ATXN7L1: variants seen among roughly 807,000 people sequenced by gnomAD.
ATXN7L1 encodes ataxin 7 like 1.
ATXN7L1 carries 15 observed loss-of-function variants against 70.8 expected under a neutral mutation model. That is an observed-to-expected ratio of 0.21 (90% CI 0.14 to 0.33). The LOEUF (loss-of-function observed/expected upper bound fraction) is 0.33, where lower values mean the gene tolerates loss of function less well. ATXN7L1 is among the 10% of genes least tolerant of loss of function. ATXN7L1 has a pLI of 1.00. For synonymous variants in ATXN7L1, 440 were observed against 445.1 expected, an observed-to-expected ratio of 0.99 and a Z score of 0.14; for missense variants, 975 against 1,097.1, an observed-to-expected ratio of 0.89 and a Z score of 1.57.
intron 2 of ATXN7L1, among the ~76,000 whole-genome samples, chr7:105,844,610 A>T (rs575536234): frequency 6.6e-6 from 1 of 152,364 alleles, no homozygotes; most frequent in African/African-American, 2.4e-5. Flanking sequence ...AAAAGCCCAC[A>T]GTTAATATCA....
chr7:105,709,976 G>A (rs1185305795), intron 3 of ATXN7L1, among the ~76,000 whole-genome samples: 1 of 151,788 alleles, frequency 6.6e-6, no homozygotes, highest in Non-Finnish European at 1.5e-5. Flanking sequence ...GGGCTCAAGT[G>A]ATCCTCCCAC....
At chr7:105,862,723 A>G (rs962950159) in intron 2 of ATXN7L1, among the ~76,000 whole-genome samples, 1 of 152,144 alleles carries the variant, frequency 6.6e-6, no homozygotes, top group Admixed American at 6.5e-5. Context: ...AGAGAGAGAC[A>G]GGGGGGTGAC....
At chr7:105,814,655 C>A (rs1051105460) in intron 2 of ATXN7L1, among the ~76,000 whole-genome samples, 7 of 151,834 alleles carry the variant, frequency 4.6e-5, no homozygotes, top group Non-Finnish European at 8.8e-5. Context: ...GCTTAGAAAT[C>A]CTTTAAAATA....
rs769127543 is a variant in ATXN7L1, at chr7:105,634,385, A to G, written c.1202+3968T>C. Among the ~76,000 whole-genome samples the G allele has an allele frequency of 5.2e-4, 79 of 152,226 alleles. 2 individuals are homozygous for G. Among genetic ancestry groups the G allele is most frequent in the Non-Finnish European group, 2.1e-4 (14 of 68,050 alleles). ...TGAGCGCATTAGGGAAGAGAGCAGA[A>G]GGCAATTGACCTTGATTCAGTCCTT... is the stretch of plus-strand genomic sequence containing the variant. On this transcript the variant is annotated intron_variant, in intron 7 of 11. Coordinates refer to ENST00000419735, the MANE Select transcript of ATXN7L1 (RefSeq NM_020725.2).
At chr7:105,669,731 C>T (rs1803235844) in intron 3 of ATXN7L1, among the ~76,000 whole-genome samples, 1 of 151,988 alleles carries the variant, frequency 6.6e-6, no homozygotes, top group Non-Finnish European at 1.5e-5. Flanking sequence ...ACCAGCCAGA[C>T]CAACATGGGG....
At chr7:105,650,204 CAG>C (rs1292135862) in intron 4 of ATXN7L1, among the ~76,000 whole-genome samples, 4 of 152,156 alleles carry the variant, frequency 2.6e-5, no homozygotes, top group Non-Finnish European at 5.9e-5. Flanking sequence ...GGGTAAATAA[CAG>C]AGACACAAAG....
At chr7:105,619,139 A>ATTTTTTTTTTTTT (rs1794365463) in intron 9 of ATXN7L1, among the ~76,000 whole-genome samples, 13 of 23,576 alleles carry the variant, frequency 5.5e-4, no homozygotes, top group Non-Finnish European at 9.7e-4. Context: ...TGAAATCTTT[A>ATTTTTTTTTTTTT]GTTTTTTTTT....
At chr7:105,672,294 C>T (rs902827226) in intron 3 of ATXN7L1, among the ~76,000 whole-genome samples, 4 of 151,848 alleles carry the variant, frequency 2.6e-5, no homozygotes, top group Non-Finnish European at 4.4e-5. Context: ...CCCTGCCCCC[C>T]CCAAAAAAGA....
chr7:105,867,342 T>A (rs886324897), intron 2 of ATXN7L1, among the ~76,000 whole-genome samples: 1 of 152,216 alleles, frequency 6.6e-6, no homozygotes, highest in African/African-American at 2.4e-5. Flanking sequence ...ACTTTAAATA[T>A]AAACTGAAAT....
At chr7:105,640,812 C>A in intron 5 of ATXN7L1, among the ~76,000 whole-genome samples, 1 of 152,234 alleles carries the variant, frequency 6.6e-6, no homozygotes, top group East Asian at 1.9e-4. Flanking sequence ...CTGGAAGGCA[C>A]CGAGCAAACA....
At chr7:105,789,901 G>C (rs1355854292) in intron 2 of ATXN7L1, among the ~76,000 whole-genome samples, 2 of 151,388 alleles carry the variant, frequency 1.3e-5, no homozygotes, top group African/African-American at 2.4e-5. Flanking sequence ...TAGCCAAAAA[G>C]TGGAAACAAC....
intron 2 of ATXN7L1, among the ~76,000 whole-genome samples, chr7:105,808,235 C>T (rs1181229716): frequency 6.6e-6 from 1 of 152,164 alleles, no homozygotes; most frequent in African/African-American, 2.4e-5. Context: ...TTGTCCCCAG[C>T]CAAGTGTTTT....
chr7:105,692,419 T>TTCCCTCCCTCCCTCCCTCCC (rs1413712743), intron 3 of ATXN7L1, among the ~76,000 whole-genome samples: 17 of 122,790 alleles, frequency 1.4e-4, no homozygotes, highest in African/African-American at 5.5e-4. Flanking sequence ...CCTTCCTTCC[T>TTCCCTCCCTCCCTCCCTCCC]TCCTTCCTCC....
In ATXN7L1 at chr7:105,840,111, G is replaced by A. The variant is rs993129285; in HGVS notation, c.250+35701C>T. 3.3e-5 allele frequency among the ~76,000 whole-genome samples: 5 copies of A among 152,338 alleles called. No homozygotes were observed. The South Asian group carries it at 6.2e-4, about 19-fold the overall frequency. On this transcript the variant is annotated intron_variant, in intron 2 of 11. Transcript: ENST00000419735. ...ACAGGGACTCTGCCGGCAGGCAGTG[G>A]CTGGGCCTGGGAGGGCCCACAAGGG...
At chr7:105,718,133 A>G (rs748710090) in intron 3 of ATXN7L1, among the ~76,000 whole-genome samples, 2 of 152,168 alleles carry the variant, frequency 1.3e-5, no homozygotes, top group Non-Finnish European at 2.9e-5. Context: ...AACAACAGCA[A>G]CAATAAGAAA....
chr7:105,642,704 T>C, intron 5 of ATXN7L1, 134 bp downstream of exon 5: 1 of 1,136,174 alleles, frequency 8.8e-7, no homozygotes, highest in East Asian at 2.6e-5. Flanking sequence ...GGGTTCCTGT[T>C]TGCAGGTAAA....
intron 2 of ATXN7L1, among the ~76,000 whole-genome samples, chr7:105,804,574 G>T (rs1807289566): frequency 1.3e-5 from 2 of 152,190 alleles, no homozygotes; most frequent in South Asian, 4.2e-4. Context: ...TATTCTATGT[G>T]TTGGGTGCTG....
rs1321802758 is a variant in ATXN7L1 at position 105,844,496 on chromosome 7, G to A, written c.250+31316C>T. Among the ~76,000 whole-genome samples, 3 of 152,124 alleles carry A rather than the reference G, an allele frequency of 2.0e-5. No homozygotes were observed. In the East Asian group the frequency reaches 5.8e-4, roughly 29 times the overall value. ...GGCAAAACTACACTATCATCTCAAC[G>A]GACACAGAAAATGCATTTGACAAAT... On this transcript the variant is annotated intron_variant, in intron 2 of 11. Transcript: ENST00000419735.
At chr7:105,801,167 T>C (rs896604079) in intron 2 of ATXN7L1, among the ~76,000 whole-genome samples, 3 of 152,206 alleles carry the variant, frequency 2.0e-5, no homozygotes. Flanking sequence ...AGATTTTGCA[T>C]GGTGGGATTT....
Sources: allele counts gnomAD v4.1 joint callset (sites outside exome capture counted in the v4.1 genomes callset), GRCh38; gene constraint gnomAD v4.1.1; transcripts MANE v1.5; gene names NCBI Gene and HGNC (gene_info 2026-07-23, HGNC 2026-07-21).